SLCO4A1: variants seen among roughly 807,000 people sequenced by gnomAD.
SLCO4A1 encodes solute carrier organic anion transporter family member 4A1, also known as colon organic anion transporter.
SLCO4A1 carries 51 observed loss-of-function variants against 64.6 expected under a neutral mutation model. The ratio of observed to expected loss-of-function variants is 0.79; its 90% CI spans 0.63 to 1.00. The LOEUF is 1.00. SLCO4A1 is among the 50% of genes least tolerant of loss of function. The pLI, the probability that SLCO4A1 is intolerant of heterozygous loss-of-function variation, is 0.00. For synonymous variants in SLCO4A1, 471 were observed against 444.9 expected, an observed-to-expected ratio of 1.06 and a Z score of -0.74; for missense variants, 919 against 980.5, an observed-to-expected ratio of 0.94 and a Z score of 0.84.
chr20:62,660,595 G>C lies in SLCO4A1; in HGVS notation c.1009+62G>C, dbSNP rs187162161. The C allele has an allele frequency of 1.8e-4, 285 of 1,567,496 alleles. 2 individuals carry two copies. The African/African-American group carries it at 3.3e-3, about 18-fold the overall frequency. On this transcript the variant is annotated intron_variant, in intron 4 of 11. Coordinates refer to ENST00000217159, the MANE Select transcript of SLCO4A1 (RefSeq NM_016354.4). ...GAGACTGTCCCTTAGTCTTCGCGAA[G>C]GGGGCACCCCGTTTCCTCTGCTGTC...
At chr20:62,642,902 C>A in intron 1 of SLCO4A1, 1 of 417,870 alleles carries the variant, frequency 2.4e-6, no homozygotes, top group South Asian at 1.7e-5. Context: ...TCGGAGTGGC[C>A]GGGGCAGGTG....
intron 5 of SLCO4A1, chr20:62,663,316 A>G (rs1295683595): frequency 6.6e-6 from 1 of 152,206 alleles, no homozygotes; most frequent in African/African-American, 2.4e-5. Flanking sequence ...TGTTCCAGGC[A>G]TTCAGAGTTG....
chr20:62,651,368 G>A (rs1982472120), intron 1 of SLCO4A1: 1 of 152,212 alleles, frequency 6.6e-6, no homozygotes, highest in African/African-American at 2.4e-5. Flanking sequence ...TCAGATAAGG[G>A]AGGCTGGCCC....
chr20:62,661,535 G>A lies in SLCO4A1; in HGVS notation c.1121+360G>A, dbSNP rs528850331. Among the ~76,000 whole-genome samples the A allele has an allele frequency of 1.4e-4, 22 of 152,248 alleles. 1 individual carries two copies. In the South Asian group the frequency reaches 4.3e-3, roughly 30 times the overall value. ...CAGCAAGTCTCCCCGTGGCCTGTGT[G>A]TCCCGGGGTCCCCAGGGAAGCTGCA... is the stretch of plus-strand genomic sequence containing the variant. On this transcript the variant is annotated intron_variant, in intron 5 of 11. Transcript: ENST00000217159. The surrounding 1 kb of genome is among the most constrained non-coding windows in gnomAD (Gnocchi z 5.2).
At chr20:62,688,681 C>G (rs1366746119), downstream of SLCO4A1, among the ~76,000 whole-genome samples, 4 of 152,188 alleles carry the variant, frequency 2.6e-5, no homozygotes, top group African/African-American at 9.7e-5. Context: ...ATGCATGCCC[C>G]CTGCCACCCA....
rs1204566673 is a variant in SLCO4A1 at position 62,661,721 on chromosome 20, C to T, written c.1121+546C>T. ...CCTCCCCCCTCTACCCGGCGTGTCC[C>T]GCTCACCCTCTGGGGAGGTTGCTTG... On this transcript the variant is annotated intron_variant, in intron 5 of 11. Transcript: ENST00000217159. This position sits in a 1 kb window ranked among gnomAD's most constrained non-coding sequence, Gnocchi z 5.2. Among the ~76,000 whole-genome samples the T allele has an allele frequency of 2.6e-5, 4 of 151,916 alleles. No individual in the cohort carries two copies. Among genetic ancestry groups the T allele is most frequent in the African/African-American group, 9.7e-5 (4 of 41,354 alleles).
At chr20:62,682,286 G>T (rs1033463051) in intron 2 of SLCO4A1, among the ~76,000 whole-genome samples, 1 of 152,234 alleles carries the variant, frequency 6.6e-6, no homozygotes, top group African/African-American at 2.4e-5. Flanking sequence ...CAAGACTCTG[G>T]GCTTGAGTCA....
In SLCO4A1 at chr20:62,685,259, G is replaced by T. The variant is rs1339574562; in HGVS notation, n.212-182G>T. Among the ~76,000 whole-genome samples, 1 of 149,220 alleles carries T rather than the reference G, an allele frequency of 6.7e-6. No homozygotes were observed. Among genetic ancestry groups the T allele is most frequent in the East Asian group, 2.0e-4 (1 of 5,010 alleles). The stretch of plus-strand genomic sequence containing the variant: ...GTGTGGGGGCAGGAGGAGGGGGGTG[G>T]TGGGGAGTGGGGGCTGGGTCGGGGC... On this transcript the variant is annotated intron_variant and non_coding_transcript_variant, in intron 2 of 2. Transcript: ENST00000466818. This position sits in a 1 kb window ranked among gnomAD's most constrained non-coding sequence, Gnocchi z 4.6.
chr20:62,663,324 T>C (rs1163125783), intron 5 of SLCO4A1: 1 of 152,160 alleles, frequency 6.6e-6, no homozygotes, highest in Non-Finnish European at 1.5e-5. Flanking sequence ...GCATTCAGAG[T>C]TGCGTTCATC....
At chr20:62,650,103 G>T (rs3901528) in intron 1 of SLCO4A1, 75,654 of 152,100 alleles carry the variant, frequency 0.5, 21,110 homozygotes, top group East Asian at 0.75. Context: ...TCCAGGGGAA[G>T]CTGAGGGTGT....
At chr20:62,659,795 C>A (rs1444167799) in intron 3 of SLCO4A1, among the ~76,000 whole-genome samples, 1 of 152,256 alleles carries the variant, frequency 6.6e-6, no homozygotes, top group Admixed American at 6.5e-5. Context: ...TTTGCCCTCC[C>A]GCCGCTGCCT....
rs932555030 is a variant in SLCO4A1, at chr20:62,648,828, C to T, written c.-97+6275C>T. 5 of 152,290 alleles carry T rather than the reference C, an allele frequency of 3.3e-5. No homozygotes were observed. In the East Asian group the frequency reaches 7.7e-4, roughly 23 times the overall value. The allele number at this position is 152,290 out of a possible 1,614,324, so 9.4% of individuals were successfully genotyped here. A position where few individuals can be genotyped will look rare whatever the true frequency, so the allele number is the denominator to read the frequency against. On this transcript the variant is annotated intron_variant, in intron 1 of 11. Coordinates refer to ENST00000217159, the MANE Select transcript of SLCO4A1 (RefSeq NM_016354.4). Reference sequence around the variant, plus strand: ...CCCCACCGGCCAGGCGGTTCTGATTCGCAGCCATGGGCAGCTTTTGCACCC... The same window carrying T: ...CCCCACCGGCCAGGCGGTTCTGATTTGCAGCCATGGGCAGCTTTTGCACCC...
intron 4 of SLCO4A1, 84 bp from the exon 5 acceptor site, chr20:62,660,980 G>A: frequency 2.2e-6 from 2 of 926,624 alleles, no homozygotes; most frequent in Non-Finnish European, 3.3e-6. Flanking sequence ...GAGGGGCAGA[G>A]GAGTGGGGGC....
At chr20:62,689,932 G>A (rs1439353723), downstream of SLCO4A1, among the ~76,000 whole-genome samples, 4 of 152,318 alleles carry the variant, frequency 2.6e-5, no homozygotes, top group South Asian at 2.1e-4. Flanking sequence ...CGGGGGACCC[G>A]CGTCCCCACC....
Position 62,660,509 on chromosome 20 carries a change from C to T in SLCO4A1, c.985C>T (p.Leu329Phe), listed in dbSNP as rs140573858. The T allele has an allele frequency of 7.1e-5, 114 of 1,605,620 alleles. No homozygotes were observed. Among genetic ancestry groups the T allele is most frequent in the Non-Finnish European group, 8.1e-5 (96 of 1,179,942 alleles). ...TGCTTTCTTCACCGCCGTTCCCATC[C>T]TTGGTTACCCTCGGCAGCTGCCAGG... ...AAAFFTAVPI[L>F]GYPRQLPGSQ... Residue 329 changes from leucine to phenylalanine, a missense_variant, in exon 4 of 12, where the codon CTT (leucine) becomes TTT (phenylalanine). Physicochemically the swap from Leu to Phe is conservative, Grantham distance 22. Coordinates refer to ENST00000217159, the MANE Select transcript of SLCO4A1 (RefSeq NM_016354.4).
downstream of SLCO4A1, among the ~76,000 whole-genome samples, chr20:62,674,404 G>A (rs555510382): frequency 4.9e-4 from 75 of 152,304 alleles, no homozygotes; most frequent in African/African-American, 1.8e-3. Flanking sequence ...TGGAACCCGG[G>A]GACCTCAGGA....
At position 62,685,524 on chromosome 20, in the gene SLCO4A1, C is replaced by G; in HGVS notation, n.295C>G. ...CCTTGAATTGGATTTTCACCAAGGC[C>G]GTGATGGATGTGGAGTCTCGGCTTT... On this transcript the variant is annotated non_coding_transcript_exon_variant, in exon 3 of 3. Coordinates refer to the SLCO4A1 transcript ENST00000466818. This position sits in a 1 kb window ranked among gnomAD's most constrained non-coding sequence, Gnocchi z 4.6. 3.5e-6 allele frequency: 3 copies of G among 860,816 alleles called. No homozygotes were observed. Among genetic ancestry groups the G allele is most frequent in the Non-Finnish European group, 4.2e-6 (3 of 716,234 alleles). The allele number at this position is 860,816 out of a possible 1,614,324, so 53.3% of individuals were successfully genotyped here.
At chr20:62,688,340 G>A (rs370487344), downstream of SLCO4A1, among the ~76,000 whole-genome samples, 1 of 152,070 alleles carries the variant, frequency 6.6e-6, no homozygotes, top group Non-Finnish European at 1.5e-5. Flanking sequence ...ACCACTCAGT[G>A]CTAGGACTTA....
At chr20:62,685,817 CCTGCAGAGCTGCTTCCCGGCTT>C (rs1162074385), downstream of SLCO4A1, 1 of 152,196 alleles carries the variant, frequency 6.6e-6, no homozygotes, top group Non-Finnish European at 1.5e-5. The surrounding 1 kb of genome is among the most constrained non-coding windows in gnomAD (Gnocchi z 4.6). Flanking sequence ...GGGTGTGAAA[CCTGCAGAGCTGCTTCCCGGCTT>C]CTTCCTCCAG....
Sources: gnomAD v4.1 joint callset for allele counts (sites outside exome capture counted in the v4.1 genomes callset) on GRCh38, gnomAD v4.1.1 for gene constraint, Gnocchi (gnomAD v3.1) non-coding constraint, MANE v1.5 for transcripts, NCBI Gene and HGNC (gene_info 2026-07-23, HGNC 2026-07-21) for gene names.